Variants in HDAC4 observed in about 807,000 individuals in gnomAD.
The protein encoded by HDAC4 is histone deacetylase 4, also known as histone deacetylase A.
A neutral mutation model predicts 135.1 loss-of-function variants in HDAC4; 16 were observed. That is an observed-to-expected ratio of 0.12 (90% CI 0.08 to 0.18). The LOEUF is 0.18. Among genes scored for constraint, HDAC4 ranks in the 10% least tolerant of loss-of-function variants. The pLI is 1.00. For synonymous variants in HDAC4, 685 were observed against 653.4 expected, an observed-to-expected ratio of 1.05 and a Z score of -0.74; for missense variants, 1,143 against 1,511.8, an observed-to-expected ratio of 0.76 and a Z score of 4.05.
At chr2:239,079,574 C>T (rs758789715) in intron 22 of HDAC4, among the ~76,000 whole-genome samples, 1 of 152,234 alleles carries the variant, frequency 6.6e-6, no homozygotes, top group Non-Finnish European at 1.5e-5. Context: ...TGAGAGGGGT[C>T]TCGTGACTTA....
intron 5 of HDAC4, among the ~76,000 whole-genome samples, chr2:239,173,629 C>A (rs575104611): frequency 6.6e-6 from 1 of 152,224 alleles, no homozygotes; most frequent in East Asian, 1.9e-4. Flanking sequence ...CCATCAGGAC[C>A]ACAATTTGAT....
In HDAC4 at chr2:239,245,726, A is replaced by AT. The variant is rs2048424027; in HGVS notation, c.23-9063dup. On this transcript the variant is annotated intron_variant, in intron 2 of 26. Coordinates refer to ENST00000543185, the MANE Select transcript of HDAC4 (RefSeq NM_001378414.1). This position sits in a 1 kb window ranked among gnomAD's most constrained non-coding sequence, Gnocchi z 4.4. ...CTTTCATATATCTTTGAAACTTTTC[A>AT]TAACAATTTTTCAAGAGATGCCAGG... 6.6e-6 allele frequency among the ~76,000 whole-genome samples: 1 copy of AT among 152,158 alleles called. No individual in the cohort carries two copies.
At chr2:239,067,558 T>C (rs1194769140) in intron 23 of HDAC4, among the ~76,000 whole-genome samples, 1 of 152,200 alleles carries the variant, frequency 6.6e-6, no homozygotes, top group Non-Finnish European at 1.5e-5. Flanking sequence ...AGGAGGAAGC[T>C]GAGGATGTGG....
intron 3 of HDAC4, among the ~76,000 whole-genome samples, chr2:239,219,411 T>A (rs544183042): frequency 6.6e-6 from 1 of 151,460 alleles, no homozygotes; most frequent in African/African-American, 2.4e-5. Context: ...TAGGTAGGAA[T>A]TGAACATTGA....
At chr2:239,255,843 T>G (rs1453908104) in intron 2 of HDAC4, among the ~76,000 whole-genome samples, 2 of 152,188 alleles carry the variant, frequency 1.3e-5, no homozygotes, top group Non-Finnish European at 2.9e-5. Context: ...GCACTCAACA[T>G]CACACGTGCA....
intron 22 of HDAC4, among the ~76,000 whole-genome samples, chr2:239,079,746 G>GCA (rs149819180): frequency 3.3e-5 from 5 of 151,458 alleles, no homozygotes; most frequent in South Asian, 4.2e-4. Context: ...ATACAGATGT[G>GCA]CACACACACA....
Position 239,303,367 on chromosome 2 carries a change from C to T in HDAC4, c.22+49311G>A, listed in dbSNP as rs147751711. 2.4e-4 allele frequency among the ~76,000 whole-genome samples: 36 copies of T among 152,342 alleles called. 1 individual carries two copies. The highest frequency in any genetic ancestry group is 6.8e-3 in the Middle Eastern group (2 of 294). Reference sequence around the variant, plus strand: ...TGGTTCCTCTGCCATCAAGACCCGCCGTCTGGTGTGAAGGGAAACGTCCCT... The same window carrying T: ...TGGTTCCTCTGCCATCAAGACCCGCTGTCTGGTGTGAAGGGAAACGTCCCT... On this transcript the variant is annotated intron_variant, in intron 2 of 26. Transcript: ENST00000543185. This position sits in a 1 kb window ranked among gnomAD's most constrained non-coding sequence, Gnocchi z 5.1.
intron 1 of HDAC4, among the ~76,000 whole-genome samples, chr2:239,368,178 A>G (rs1694352055): frequency 6.6e-6 from 1 of 152,078 alleles, no homozygotes; most frequent in South Asian, 2.1e-4. Flanking sequence ...GTCCATGCTA[A>G]TTTGCAGGAG....
rs2043188553 is a variant in HDAC4 at position 239,167,598 on chromosome 2, AC to A, written c.491-3676del. Among the ~76,000 whole-genome samples the A allele has an allele frequency of 6.6e-6, 1 of 151,378 alleles. No individual in the cohort carries two copies. The highest frequency in any genetic ancestry group is 1.5e-5 in the Non-Finnish European group (1 of 67,884). On this transcript the variant is annotated intron_variant, in intron 5 of 26. Transcript: ENST00000543185. This position sits in a 1 kb window ranked among gnomAD's most constrained non-coding sequence, Gnocchi z 4.1. ...TATTCAAAATGAGGGGCTGATTCTG[AC>A]CCCCACCCCGTTTCTGCACTTCTGG...
rs145529595 is a variant in HDAC4, at chr2:239,068,705, C to G, written c.2751-98G>C. 7.6e-4 allele frequency: 794 copies of G among 1,044,254 alleles called. 4 individuals are homozygous for G. The African/African-American group carries it at 0.011, about 14-fold the overall frequency. 64.7% of individuals were successfully genotyped at this position (1,044,254 alleles called of 1,614,324 possible). On this transcript the variant is annotated intron_variant, in intron 22 of 26. Transcript: ENST00000543185. The surrounding 1 kb of genome is among the most constrained non-coding windows in gnomAD (Gnocchi z 4.4). ...CCCTCTGGCATTGATAATGCCTGCCCCGCACCCCCTCGGCCACTGGCGGGC... is the reference window on the plus strand; with the variant it reads ...CCCTCTGGCATTGATAATGCCTGCCGCGCACCCCCTCGGCCACTGGCGGGC...
chr2:239,259,296 C>T (rs1030407363), intron 2 of HDAC4, among the ~76,000 whole-genome samples: 1 of 152,054 alleles, frequency 6.6e-6, no homozygotes, highest in Non-Finnish European at 1.5e-5. Flanking sequence ...CAAGAATACA[C>T]AAAATTAGCC....
intron 2 of HDAC4, among the ~76,000 whole-genome samples, chr2:239,255,729 A>T (rs1453662536): frequency 3.3e-5 from 5 of 152,154 alleles, no homozygotes; most frequent in African/African-American, 1.2e-4. Context: ...GTACCACTAA[A>T]AGCAGGGTAC....
chr2:239,236,494 C>G (rs533550544), intron 3 of HDAC4, 99 bp downstream of exon 3: 8 of 947,690 alleles, frequency 8.4e-6, no homozygotes, highest in South Asian at 5.6e-5. Flanking sequence ...ACACCTCCCC[C>G]CTCGCCCTCT....
chr2:239,071,308 G>A lies in HDAC4; in HGVS notation c.2751-2701C>T, dbSNP rs112177881. Among the ~76,000 whole-genome samples, 11 of 152,230 alleles carry A rather than the reference G, an allele frequency of 7.2e-5. 1 individual carries two copies. Among genetic ancestry groups the A allele is most frequent in the South Asian group, 2.1e-4 (1 of 4,820 alleles). On this transcript the variant is annotated intron_variant, in intron 22 of 26. Coordinates refer to ENST00000543185, the MANE Select transcript of HDAC4 (RefSeq NM_001378414.1). ...CATGCACCTATAATCCCAGCTACTC[G>A]GGAGGCTGACGTGAGAGAATCGCTT... is the stretch of plus-strand genomic sequence containing the variant.
rs549183760 is a variant in HDAC4, at chr2:239,332,025, T to G, written c.22+20653A>C. ...CATTTCACAGTAACAAAAAGGCAGT[T>G]ATTCCAATTTTATGGAATAATTTTA... On this transcript the variant is annotated intron_variant, in intron 2 of 26. Transcript: ENST00000543185. Among the ~76,000 whole-genome samples the G allele has an allele frequency of 3.7e-4, 56 of 152,316 alleles. No homozygotes were observed. In the South Asian group the frequency reaches 4.1e-3, roughly 11 times the overall value.
intron 1 of HDAC4, among the ~76,000 whole-genome samples, chr2:239,354,230 G>A (rs1693344842): frequency 6.6e-6 from 1 of 152,148 alleles, no homozygotes; most frequent in South Asian, 2.1e-4. Context: ...ACAATACCTG[G>A]TAAGCTTCGT....
chr2:239,178,745 G>A (rs1328689179), intron 4 of HDAC4, among the ~76,000 whole-genome samples: 1 of 152,190 alleles, frequency 6.6e-6, no homozygotes, highest in East Asian at 1.9e-4. Context: ...ACGGTGAGAG[G>A]GTACGGGATA....
At position 239,303,800 on chromosome 2, in the gene HDAC4, C is replaced by T. The variant is rs191972385; in HGVS notation, c.22+48878G>A. On this transcript the variant is annotated intron_variant, in intron 2 of 26. Coordinates refer to ENST00000543185, the MANE Select transcript of HDAC4 (RefSeq NM_001378414.1). The surrounding 1 kb of genome is among the most constrained non-coding windows in gnomAD (Gnocchi z 5.1). ...GCATCCCCCGTGCTCAACTGCAGGG[C>T]GCGGCACTCGCCTATGCTCTCATGA... Among the ~76,000 whole-genome samples, 69 of 152,276 alleles carry T rather than the reference C, an allele frequency of 4.5e-4. No individual in the cohort carries two copies. The highest frequency in any genetic ancestry group is 2.3e-3 in the East Asian group (12 of 5,168).
intron 2 of HDAC4, among the ~76,000 whole-genome samples, chr2:239,266,732 C>T (rs1044714854): frequency 2.0e-5 from 3 of 152,176 alleles, no homozygotes; most frequent in African/African-American, 7.2e-5. Context: ...GTCACCATTT[C>T]CAGGTAGCCC....
Sources: gnomAD v4.1 joint callset for allele counts (sites outside exome capture counted in the v4.1 genomes callset) on GRCh38, gnomAD v4.1.1 for gene constraint, Gnocchi (gnomAD v3.1) non-coding constraint, MANE v1.5 for transcripts, NCBI Gene and HGNC (gene_info 2026-07-23, HGNC 2026-07-21) for gene names.